OSMR: variants seen among roughly 807,000 people sequenced by gnomAD.
OSMR encodes oncostatin-M-specific receptor subunit beta.
Under a neutral mutation model 99.9 loss-of-function variants are expected in OSMR, and 81 were observed. The observed-to-expected ratio is 0.81, with a 90% CI of 0.68 to 0.97. The LOEUF is 0.97. OSMR is among the 50% of genes least tolerant of loss of function. The pLI, the probability that OSMR is intolerant of heterozygous loss-of-function variation, is 0.00. For synonymous variants in OSMR, 406 were observed against 410.4 expected, an observed-to-expected ratio of 0.99 and a Z score of 0.13; for missense variants, 1,099 against 1,153.4, an observed-to-expected ratio of 0.95 and a Z score of 0.68.
At chr5:38,848,817 A>G (rs1443237131) in intron 1 of OSMR, among the ~76,000 whole-genome samples, 1 of 152,192 alleles carries the variant, frequency 6.6e-6, no homozygotes, top group African/African-American at 2.4e-5. Flanking sequence ...TCTGTCACAC[A>G]GGCAGAAGTG....
intron 9 of OSMR, among the ~76,000 whole-genome samples, chr5:38,916,719 A>C (rs1459470727): frequency 6.6e-6 from 1 of 152,184 alleles, no homozygotes; most frequent in East Asian, 1.9e-4. Flanking sequence ...ATCCATCTAC[A>C]AAGATTTCTG....
chr5:38,850,220 A>G (rs1325245824), intron 1 of OSMR, among the ~76,000 whole-genome samples: 1 of 152,216 alleles, frequency 6.6e-6, no homozygotes, highest in East Asian at 1.9e-4. Flanking sequence ...GGTGATGTCA[A>G]TACTGCTGGT....
chr5:38,926,499 C>T (rs374220769), intron 15 of OSMR, among the ~76,000 whole-genome samples: 27 of 152,198 alleles, frequency 1.8e-4, no homozygotes, highest in East Asian at 1.5e-3. Flanking sequence ...CTTAACATGG[C>T]GGAAGGAGAG....
At chr5:38,874,222 T>G (rs192124184) in intron 2 of OSMR, among the ~76,000 whole-genome samples, 1 of 152,312 alleles carries the variant, frequency 6.6e-6, no homozygotes, top group African/African-American at 2.4e-5. Flanking sequence ...CTTGTTTATT[T>G]TATTGTCTAT....
chr5:38,885,472 C>A lies in OSMR; in HGVS notation c.827C>A (p.Thr276Asn). ...TCTAAACAACCTTCCCAAAGCTACACTTTATTTGAATCGTAAGTTGGCTCT... is the reference window on the plus strand; with the variant it reads ...TCTAAACAACCTTCCCAAAGCTACAATTTATTTGAATCGTAAGTTGGCTCT... ...GWSKQPSQSY[T>N]LFESFSGEKK... Residue 276 changes from threonine to asparagine, a missense_variant, in exon 6 of 18, where the codon ACT (threonine) becomes AAT (asparagine). By Grantham distance (65) the Thr-to-Asn change is moderately conservative. Transcript: ENST00000274276. 5 of 1,614,058 alleles carry A rather than the reference C, an allele frequency of 3.1e-6. No individual in the cohort carries two copies. Among genetic ancestry groups the A allele is most frequent in the Non-Finnish European group, 4.2e-6 (5 of 1,179,932 alleles).
intron 1 of OSMR, chr5:38,942,690 A>C: frequency 1.6e-6 from 1 of 628,868 alleles, no homozygotes; most frequent in Non-Finnish European, 2.7e-6. Context: ...TCCTGGGCTC[A>C]AGCAATTCTC....
chr5:38,944,830 A>T, intron 2 of OSMR: 1 of 1,305,772 alleles, frequency 7.7e-7, no homozygotes, highest in Non-Finnish European at 1.1e-6. Flanking sequence ...ACTTTAATTT[A>T]CAGTATTTAC....
intron 7 of OSMR, among the ~76,000 whole-genome samples, chr5:38,886,940 C>A (rs1276867449): frequency 1.3e-5 from 2 of 152,172 alleles, no homozygotes; most frequent in East Asian, 3.8e-4. Context: ...ACCAATTATA[C>A]TCCCACCCTG....
intron 1 of OSMR, among the ~76,000 whole-genome samples, chr5:38,866,056 T>C (rs1561344584): frequency 6.6e-6 from 1 of 152,130 alleles, no homozygotes; most frequent in Non-Finnish European, 1.5e-5. Context: ...GGATGATGTA[T>C]GTGGGCACCA....
intron 9 of OSMR, among the ~76,000 whole-genome samples, chr5:38,914,566 C>T (rs766372678): frequency 2.6e-5 from 4 of 152,216 alleles, no homozygotes; most frequent in Non-Finnish European, 4.4e-5. Context: ...CATCACAGCA[C>T]TATTCACCAT....
chr5:38,903,863 T>C lies in OSMR; in HGVS notation c.992-19T>C. 1 of 1,603,500 alleles carries C rather than the reference T, an allele frequency of 6.2e-7. No homozygotes were observed. The highest frequency in any genetic ancestry group is 8.5e-7 in the Non-Finnish European group (1 of 1,173,714). On this transcript the variant is annotated intron_variant, in intron 7 of 17. Coordinates refer to ENST00000274276, the MANE Select transcript of OSMR (RefSeq NM_003999.3). ...ATCTATGCTTGAATTTTTTTGTTTC[T>C]TTTTCTTTTTTTTGACAGTTTATTT... is the stretch of plus-strand genomic sequence containing the variant.
At chr5:38,860,827 C>A (rs1189491795) in intron 1 of OSMR, among the ~76,000 whole-genome samples, 1 of 152,132 alleles carries the variant, frequency 6.6e-6, no homozygotes, top group African/African-American at 2.4e-5. Flanking sequence ...TGCCTGCTAA[C>A]ATGCTTGGCT....
downstream of OSMR, chr5:38,939,008 A>G (rs1205755724): frequency 8.6e-6 from 2 of 233,008 alleles, no homozygotes; most frequent in African/African-American, 2.2e-5. Flanking sequence ...TCCAAAGAAC[A>G]TTTCCCAAAG....
chr5:38,882,709 T>C (rs1314170230), intron 4 of OSMR, among the ~76,000 whole-genome samples: 2 of 152,174 alleles, frequency 1.3e-5, no homozygotes, highest in Non-Finnish European at 2.9e-5. Flanking sequence ...ATGAGATTAT[T>C]TGCGCACGTT....
rs532266156 is a variant in OSMR, at chr5:38,884,702, G to C, written c.703+591G>C. ...ACTGTTCTTAACTGTGCAGTAAATT[G>C]GTTCCATCGGATACATTAGTGGAGT... On this transcript the variant is annotated intron_variant, in intron 5 of 17. Coordinates refer to ENST00000274276, the MANE Select transcript of OSMR (RefSeq NM_003999.3). Among the ~76,000 whole-genome samples the C allele has an allele frequency of 2.6e-5, 4 of 152,282 alleles. No homozygotes were observed. In the East Asian group the frequency reaches 7.7e-4, roughly 29 times the overall value.
chr5:38,942,437 T>G (rs1023052061), intron 1 of OSMR: 12 of 955,388 alleles, frequency 1.3e-5, no homozygotes, highest in Admixed American at 2.4e-5. Flanking sequence ...TATAACATAT[T>G]TATATAAATA....
intron 1 of OSMR, among the ~76,000 whole-genome samples, chr5:38,862,194 G>C (rs1321759214): frequency 2.4e-5 from 3 of 123,846 alleles, no homozygotes; most frequent in Non-Finnish European, 5.2e-5. Context: ...AGGGGCGGCC[G>C]GGCAGAGGCG....
In OSMR at chr5:38,905,846, C is replaced by T. The variant is rs957432605; in HGVS notation, c.1285+1343C>T. On this transcript the variant is annotated intron_variant, in intron 9 of 17. Coordinates refer to ENST00000274276, the MANE Select transcript of OSMR (RefSeq NM_003999.3). ...TATACATATGTATTTTATTATTCTTCTTATTTGTGTATGGCAGCTGGCAGA... is the reference window on the plus strand; with the variant it reads ...TATACATATGTATTTTATTATTCTTTTTATTTGTGTATGGCAGCTGGCAGA... Among the ~76,000 whole-genome samples the T allele has an allele frequency of 2.0e-5, 3 of 152,138 alleles. No homozygotes were observed. In the South Asian group the frequency reaches 6.2e-4, roughly 32 times the overall value.
intron 7 of OSMR, among the ~76,000 whole-genome samples, chr5:38,890,826 G>A (rs763239099): frequency 9.9e-5 from 15 of 152,170 alleles, no homozygotes; most frequent in Admixed American, 7.9e-4. Context: ...ATTTGGTACC[G>A]AGAAAAACAA....
Sources: gnomAD v4.1 joint callset for allele counts (sites outside exome capture counted in the v4.1 genomes callset) on GRCh38, gnomAD v4.1.1 for gene constraint, MANE v1.5 for transcripts, NCBI Gene and HGNC (gene_info 2026-07-23, HGNC 2026-07-21) for gene names.